The following NCAPD3 variants were observed in gnomAD, a reference collection of about 807,000 sequenced individuals.
NCAPD3 encodes the protein non-SMC condensin II complex subunit D3.
NCAPD3 carries 105 observed loss-of-function variants against 182.9 expected under a neutral mutation model. The ratio of observed to expected loss-of-function variants is 0.57; its 90% confidence interval spans 0.49 to 0.68. The LOEUF is 0.68. Among genes scored for constraint, NCAPD3 ranks in the 30% least tolerant of loss-of-function variants. The pLI, the probability that NCAPD3 is intolerant of heterozygous loss-of-function variation, is 0.00. For synonymous variants in NCAPD3, 815 were observed against 679.9 expected, an observed-to-expected ratio of 1.20 and a Z score of -3.09; for missense variants, 1,944 against 1,837.0, an observed-to-expected ratio of 1.06 and a Z score of -1.07.
At chr11:134,180,387 G>T (rs1395798931) in intron 20 of NCAPD3, among the ~76,000 whole-genome samples, 3 of 152,104 alleles carry the variant, frequency 2.0e-5, no homozygotes, top group Admixed American at 6.5e-5. Context: ...AATGATCTGT[G>T]CTGAATGGCA....
intron 13 of NCAPD3, among the ~76,000 whole-genome samples, chr11:134,199,162 G>A (rs1944696920): frequency 6.6e-6 from 1 of 152,048 alleles, no homozygotes; most frequent in South Asian, 2.1e-4. Flanking sequence ...AGGGACAGGA[G>A]GAGAACTCAT....
intron 27 of NCAPD3, among the ~76,000 whole-genome samples, chr11:134,167,562 ACACT>A (rs750366284): frequency 8.7e-5 from 11 of 126,452 alleles, no homozygotes; most frequent in Non-Finnish European, 1.4e-4. Flanking sequence ...GGGGAGCTGC[ACACT>A]CACTAGTGAG....
intron 27 of NCAPD3, 150 bp from the exon 28 acceptor site, chr11:134,162,041 G>C: frequency 1.8e-6 from 1 of 552,998 alleles, no homozygotes; most frequent in Non-Finnish European, 3.1e-6. Flanking sequence ...GAGGACCTCT[G>C]CTTTTCTCTG....
At position 134,220,656 on chromosome 11, in the gene NCAPD3, C is replaced by T; in HGVS notation, c.135G>A (p.Glu45=). The T allele has an allele frequency of 1.9e-6, 3 of 1,614,064 alleles. No individual in the cohort carries two copies. Among genetic ancestry groups the T allele is most frequent in the Non-Finnish European group, 2.5e-6 (3 of 1,179,926 alleles). The stretch of plus-strand genomic sequence containing the variant: ...ATGCAGCCAATCCAGTCTCTATGAT[C>T]TCTGCTTCTATGCTGGGATCCAAAG... ...TEPLDPSIEA[E]IIETGLAAFT... Residue 45 remains glutamate, a synonymous_variant, in exon 2 of 35, where the codon GAG becomes GAA. Transcript: ENST00000534548.
intron 22 of NCAPD3, chr11:134,178,129 A>G (rs1944214261): frequency 2.0e-5 from 3 of 152,406 alleles, no homozygotes; most frequent in Admixed American, 2.0e-4. Context: ...ATTAAAAATA[A>G]TTTGAGTTCA....
rs777986824 is a variant in NCAPD3, at chr11:134,177,410, C to A, written c.2830G>T (p.Ala944Ser). ...HEDLAKKSIP[A>S]LVRELEVCED... is the part of the protein sequence containing the mutation. ...CACACCTCGAGCTCTCGCACCAGGG[C>A]TGGGATGCTCTTCTTTGCCAGATCC... is the stretch of plus-strand genomic sequence containing the variant. Residue 944 changes from alanine (A) to serine (S), a missense_variant, in exon 23 of 35, where the codon GCC becomes TCC. Physicochemically the swap from Ala to Ser is moderately conservative, Grantham distance 99 (BLOSUM62 1). Transcript: ENST00000534548. The A allele has an allele frequency of 1.2e-6, 2 of 1,614,208 alleles. No individual in the cohort carries two copies. Among genetic ancestry groups the A allele is most frequent in the South Asian group, 1.1e-5 (1 of 91,090 alleles).
In NCAPD3 at chr11:134,210,426, T is replaced by G; in HGVS notation, c.411A>C (p.Pro137=). The G allele has an allele frequency of 6.2e-7, 1 of 1,614,134 alleles. No homozygotes were observed. The highest frequency in any genetic ancestry group is 8.5e-7 in the Non-Finnish European group (1 of 1,179,974). The part of the protein sequence containing the change: ...PGSVANQVFH[P]VMFDKCIQTL... ...TCTGAATGCATTTGTCAAACATCAC[T>G]GGGTGGAATACTTGATTGGCTACAC... Residue 137 remains proline, a synonymous_variant, in exon 4 of 35, where the codon CCA becomes CCC. Transcript: ENST00000534548.
rs1224288853 is a variant in NCAPD3, at chr11:134,177,336, G to A, written c.2904C>T (p.Leu968=). The A allele has an allele frequency of 6.2e-7, 1 of 1,614,236 alleles. No homozygotes were observed. Among genetic ancestry groups the A allele is most frequent in the Non-Finnish European group, 8.5e-7 (1 of 1,180,050 alleles). The change falls in exon 23 of 35, where the codon CTC becomes CTT. Residue 968 remains leucine, a synonymous_variant. Transcript: ENST00000534548. ...RNNVIIVMCD[L]CIRYTIMVDK... is the part of the protein sequence containing the mutation. ...CCACCATGATGGTGTAGCGAATGCA[G>A]AGATCGCACATTACAATGATGACGT...
intron 27 of NCAPD3, among the ~76,000 whole-genome samples, chr11:134,164,347 G>A (rs1051934392): frequency 6.6e-6 from 1 of 152,362 alleles, no homozygotes; most frequent in East Asian, 1.9e-4. Context: ...GTAAGTCAGA[G>A]ACACCCGGAG....
Position 134,204,314 on chromosome 11 carries a change from GTT to G in NCAPD3, c.1090-145_1090-144del. ...TACGTAAATGACTAATAAATTTTAG[GTT>G]TTAGAACACTTCAAAACTAATCTAA... On this transcript the variant is annotated intron_variant, in intron 9 of 34. Transcript: ENST00000534548. This position sits in a 1 kb window ranked among gnomAD's most constrained non-coding sequence, Gnocchi z 4.3. The G allele has an allele frequency of 1.1e-6, 1 of 896,684 alleles. No homozygotes were observed. The highest frequency in any genetic ancestry group is 1.6e-6 in the Non-Finnish European group (1 of 617,698). 55.5% of individuals were successfully genotyped at this position (896,684 alleles called of 1,614,324 possible).
rs778193593 is a variant in NCAPD3 at position 134,168,992 on chromosome 11, T to C, written c.3164A>G (p.His1055Arg). ...LKRNPVMFFQ[H>R]FIECIFHFNN... ...AAAGTGAAAAATACATTCAATGAAG[T>C]GTTGGAAGAACATGACAGGGTTCCT... Residue 1055 changes from histidine (H) to arginine (R), a missense_variant, in exon 25 of 35, where the codon CAC becomes CGC. Around this residue, in one of 3 missense-constraint regions of NCAPD3, gnomAD observed 1,803 missense variants for 1,674.6 expected, o/e 1.08. Transcript: ENST00000534548. 3.7e-6 allele frequency: 6 copies of C among 1,613,912 alleles called. No homozygotes were observed. Among genetic ancestry groups the C allele is most frequent in the South Asian group, 1.1e-5 (1 of 91,072 alleles).
At chr11:134,220,871 T>C (rs1422000374) in intron 1 of NCAPD3, 145 bp from the exon 2 acceptor site, 1 of 690,920 alleles carries the variant, frequency 1.4e-6, no homozygotes, top group African/African-American at 1.8e-5. Context: ...AGGTGTAGCA[T>C]AATAAAAGAA....
rs1565552136 is a variant in NCAPD3, at chr11:134,204,783, G to C, written c.1089+116C>G. On this transcript the variant is annotated intron_variant, in intron 9 of 34. Coordinates refer to ENST00000534548, the MANE Select transcript of NCAPD3 (RefSeq NM_015261.3). This position sits in a 1 kb window ranked among gnomAD's most constrained non-coding sequence, Gnocchi z 4.3. ...TGAACATTAAATAAAACCACTTTAA[G>C]TAACAATGCACACTCATTCCCAAGA... is the stretch of plus-strand genomic sequence containing the variant. 1 of 765,300 alleles carries C rather than the reference G, an allele frequency of 1.3e-6. No individual in the cohort carries two copies. Among genetic ancestry groups the C allele is most frequent in the Middle Eastern group, 2.4e-4 (1 of 4,108 alleles). 47.4% of individuals were successfully genotyped at this position (765,300 alleles called of 1,614,324 possible). A position where few individuals can be genotyped will look rare whatever the true frequency, so the allele number is the denominator to read the frequency against.
intron 2 of NCAPD3, among the ~76,000 whole-genome samples, chr11:134,217,733 C>T (rs1938079375): frequency 6.6e-6 from 1 of 152,042 alleles, no homozygotes; most frequent in Non-Finnish European, 1.5e-5. Context: ...CCTTGAGTAT[C>T]GTAACAAAAA....
At position 134,181,159 on chromosome 11, in the gene NCAPD3, T is replaced by A. The variant is rs1944287517; in HGVS notation, c.2477A>T (p.Asp826Val). 1.2e-6 allele frequency: 2 copies of A among 1,613,818 alleles called. No homozygotes were observed. Among genetic ancestry groups the A allele is most frequent in the African/African-American group, 2.7e-5 (2 of 74,880 alleles). Residue 826 changes from aspartate to valine, a missense_variant, in exon 20 of 35, where the codon GAT becomes GTT. Around this residue, in one of 3 missense-constraint regions of NCAPD3, gnomAD observed 1,803 missense variants for 1,674.6 expected, o/e 1.08. Coordinates refer to ENST00000534548, the MANE Select transcript of NCAPD3 (RefSeq NM_015261.3). ...GCGGTGCTCGCAGGTGGAGAGTACATCCCCACACACCTGCGTCAGCAATTC... is the reference window on the plus strand; with the variant it reads ...GCGGTGCTCGCAGGTGGAGAGTACAACCCCACACACCTGCGTCAGCAATTC... Reference protein sequence around the residue: ...EQELLTQVCGDVLSTCEHRLS... With the variant: ...EQELLTQVCGVVLSTCEHRLS...
At position 134,172,927 on chromosome 11, in the gene NCAPD3, T is replaced by A. The variant is rs190439991; in HGVS notation, c.3101+3380A>T. 5.8e-4 allele frequency among the ~76,000 whole-genome samples: 81 copies of A among 139,850 alleles called. 2 individuals carry two copies. Among genetic ancestry groups the A allele is most frequent in the African/African-American group, 2.0e-3 (72 of 36,890 alleles). 91.7% of individuals were successfully genotyped at this position (139,850 alleles called of 152,430 possible). On this transcript the variant is annotated intron_variant, in intron 24 of 34. Coordinates refer to ENST00000534548, the MANE Select transcript of NCAPD3 (RefSeq NM_015261.3). ...GGGTCACATGAACTTGATTGAGCCC[T>A]GATTGCTCCATTGCACTCCAGCCTG...
At chr11:134,183,481 T>C (rs1268871914) in intron 19 of NCAPD3, among the ~76,000 whole-genome samples, 1 of 152,156 alleles carries the variant, frequency 6.6e-6, no homozygotes, top group African/African-American at 2.4e-5. Flanking sequence ...GGCACGAGAA[T>C]TGCTTGAACC....
rs575223591 is a variant in NCAPD3 at position 134,216,561 on chromosome 11, C to T, written c.382+375G>A. On this transcript the variant is annotated intron_variant, in intron 3 of 34. Transcript: ENST00000534548. ...TTAATCTATTTTTCAATACCAACAT[C>T]GGAGAGGTAAAAAGCAATGACTCCC... Among the ~76,000 whole-genome samples the T allele has an allele frequency of 4.6e-5, 7 of 152,192 alleles. No individual in the cohort carries two copies. The East Asian group carries it at 5.8e-4, about 13-fold the overall frequency.
rs1434914405 is a variant in NCAPD3, at chr11:134,153,095, C to T, written c.4389-43G>A. 17 of 1,612,506 alleles carry T rather than the reference C, an allele frequency of 1.1e-5. No individual in the cohort carries two copies. In the South Asian group the frequency reaches 1.9e-4, roughly 18 times the overall value. Reference sequence around the variant, plus strand: ...GCAGTCATTCTGGAACTCAGAAAAACCCTGACAGAAACATCCACCTCAAAA... The same window carrying T: ...GCAGTCATTCTGGAACTCAGAAAAATCCTGACAGAAACATCCACCTCAAAA... On this transcript the variant is annotated intron_variant, in intron 34 of 34. Coordinates refer to ENST00000534548, the MANE Select transcript of NCAPD3 (RefSeq NM_015261.3).
Sources: allele counts gnomAD v4.1 joint callset (sites outside exome capture counted in the v4.1 genomes callset), GRCh38; gene constraint gnomAD v4.1.1; regional missense constraint gnomAD v4.1.1; non-coding constraint Gnocchi (gnomAD v3.1); transcripts MANE v1.5; gene names NCBI Gene and HGNC (gene_info 2026-07-23, HGNC 2026-07-21).